The following ACAN variants were observed in gnomAD, a reference collection of about 807,000 sequenced individuals.
ACAN encodes the protein aggrecan, also known as aggrecan core protein.
Under a neutral mutation model 169.1 loss-of-function variants are expected in ACAN, and 47 were observed. The observed-to-expected ratio is 0.28, with a 90% confidence interval of 0.22 to 0.35. The LOEUF is 0.35. Ranked by LOEUF, ACAN falls within the 10% of genes least tolerant of loss-of-function variation. The probability of loss-of-function intolerance (pLI) is 1.00; values close to 1 mark genes in which losing one functional copy is unlikely to be tolerated. For synonymous variants in ACAN, 1,115 were observed against 1,112.2 expected (o/e 1.00, Z -0.05); for missense variants, 2,716 against 2,759.9 (o/e 0.98, Z 0.36).
chr15:88,858,002 G>T lies in ACAN; in HGVS notation c.5417G>T (p.Ser1806Ile). The T allele has an allele frequency of 6.2e-7, 1 of 1,614,002 alleles. No individual in the cohort carries two copies. Among genetic ancestry groups the T allele is most frequent in the Non-Finnish European group, 8.5e-7 (1 of 1,179,892 alleles). ...CAGCCTTCAGGGTTACCAGGGTTCA[G>T]TGGGGCAACATCAGGAGTCCCTGAC... ...SGQPSGLPGF[S>I]GATSGVPDLV... Residue 1806 changes from serine to isoleucine, a missense_variant, in exon 12 of 19, where the codon AGT becomes ATT. This residue lies in a region of ACAN where 1,389 missense variants were observed against 1,363.7 expected (regional missense o/e 1.02). Coordinates refer to ENST00000560601, the MANE Select transcript of ACAN (RefSeq NM_001369268.1). The surrounding 1 kb of genome is among the most constrained non-coding windows in gnomAD (Gnocchi z 4.0).
rs1169658555 is a variant in ACAN at position 88,841,923 on chromosome 15, C to A, written c.757+56C>A. 3 of 1,605,270 alleles carry A rather than the reference C, an allele frequency of 1.9e-6. No individual in the cohort carries two copies. The East Asian group carries it at 6.7e-5, about 36-fold the overall frequency. On this transcript the variant is annotated intron_variant, in intron 5 of 18. Transcript: ENST00000560601. ...AGCTCCCTTCCCAAGGCCACCTTCC[C>A]CTCCCCATCTCCCCACTGACACCTG... is the stretch of plus-strand genomic sequence containing the variant.
In ACAN at chr15:88,873,871, C is replaced by T. The variant is rs752175506; in HGVS notation, c.7477C>T (p.His2493Tyr). ...VACGEPPVVE[H>Y]ARTFGQKKDR... ...CTGCGGAGAGCCCCCTGTGGTGGAG[C>T]ATGCCAGGACCTTCGGGCAGAAGAA... is the stretch of plus-strand genomic sequence containing the variant. The change falls in exon 18 of 19, where the codon CAT becomes TAT. Residue 2493 changes from histidine to tyrosine, a missense_variant. Coordinates refer to ENST00000560601, the MANE Select transcript of ACAN (RefSeq NM_001369268.1). The surrounding 1 kb of genome is among the most constrained non-coding windows in gnomAD (Gnocchi z 7.5). 3 of 1,613,806 alleles carry T rather than the reference C, an allele frequency of 1.9e-6. No homozygotes were observed. The highest frequency in any genetic ancestry group is 1.1e-5 in the South Asian group (1 of 91,086).
chr15:88,822,411 G>A (rs2141520162), intron 1 of ACAN, among the ~76,000 whole-genome samples: 1 of 152,040 alleles, frequency 6.6e-6, no homozygotes, highest in Middle Eastern at 3.4e-3. Flanking sequence ...CCTAAGAACT[G>A]TGTCCATAGC....
In ACAN at chr15:88,860,378, G is replaced by A; in HGVS notation, c.6885G>A (p.Glu2295=). ...CCTGTGGAGCTGGGACCTGCAAGGA[G>A]ACAGAGGGACACGTCATATGCCTGT... ...EEPCGAGTCK[E]TEGHVICLCP... is the part of the protein sequence containing the mutation. The change falls in exon 13 of 19, where the codon GAG becomes GAA. Residue 2295 remains glutamate (E), a synonymous_variant. Coordinates refer to ENST00000560601, the MANE Select transcript of ACAN (RefSeq NM_001369268.1). 3.7e-6 allele frequency: 6 copies of A among 1,613,638 alleles called. No individual in the cohort carries two copies. Among genetic ancestry groups the A allele is most frequent in the Non-Finnish European group, 4.2e-6 (5 of 1,179,832 alleles).
intron 1 of ACAN, among the ~76,000 whole-genome samples, chr15:88,821,350 T>G (rs1468692782): frequency 2.0e-5 from 3 of 152,192 alleles, no homozygotes; most frequent in African/African-American, 7.2e-5. Flanking sequence ...AGGGGTGGTC[T>G]CCCTAAGTTG....
rs115301782 is a variant in ACAN at position 88,866,644 on chromosome 15, G to C, written c.6947-1572G>C. ...CCAACAACTGGAGATTAGGGCCTTC[G>C]TGGATGAGCAAGATGCCTGAGAGCT... On this transcript the variant is annotated intron_variant, in intron 13 of 18. Coordinates refer to ENST00000560601, the MANE Select transcript of ACAN (RefSeq NM_001369268.1). The surrounding 1 kb of genome is among the most constrained non-coding windows in gnomAD (Gnocchi z 5.6). 6.6e-6 allele frequency among the ~76,000 whole-genome samples: 1 copy of C among 152,020 alleles called. No homozygotes were observed. The highest frequency in any genetic ancestry group is 2.4e-5 in the African/African-American group (1 of 41,378).
chr15:88,840,276 G>A (rs988320048), intron 4 of ACAN, 90 bp downstream of exon 4: 23 of 1,425,102 alleles, frequency 1.6e-5, no homozygotes, highest in Admixed American at 2.4e-5. Context: ...GGCCAGCACT[G>A]AGCTGGTGCC....
At chr15:88,837,352 A>T (rs917365066) in intron 2 of ACAN, among the ~76,000 whole-genome samples, 1 of 152,232 alleles carries the variant, frequency 6.6e-6, no homozygotes, top group East Asian at 1.9e-4. Flanking sequence ...CTGAATTTAA[A>T]TCTGTGCTTT....
chr15:88,846,010 C>G, intron 7 of ACAN, 128 bp downstream of exon 7: 3 of 1,065,860 alleles, frequency 2.8e-6, no homozygotes, highest in Non-Finnish European at 3.8e-6. Context: ...TCTCTCCTCT[C>G]AGACCTTATT....
rs62023516 is a variant in ACAN at position 88,853,757 on chromosome 15, C to G, written c.2267-1095C>G. ...TAGATGATAGATAGATAGATAGATA[C>G]ATACATACATACATACATACATACA... On this transcript the variant is annotated intron_variant, in intron 11 of 18. Transcript: ENST00000560601. Among the ~76,000 whole-genome samples the G allele has an allele frequency of 0.016, 859 of 53,378 alleles. 40 individuals carry two copies. The South Asian group carries it at 0.22, about 14-fold the overall frequency. 35.0% of individuals were successfully genotyped at this position (53,378 alleles called of 152,430 possible).
chr15:88,832,839 C>T (rs1186554067), intron 1 of ACAN, among the ~76,000 whole-genome samples: 1 of 152,174 alleles, frequency 6.6e-6, no homozygotes, highest in Non-Finnish European at 1.5e-5. Flanking sequence ...GCCTGACAAC[C>T]AGGGAGGTGG....
intron 1 of ACAN, among the ~76,000 whole-genome samples, chr15:88,835,269 C>T (rs1319338819): frequency 2.0e-5 from 3 of 152,076 alleles, no homozygotes; most frequent in Non-Finnish European, 4.4e-5. Context: ...TGGTGGCAGG[C>T]CCAAGTTTCA....
chr15:88,863,045 G>A (rs1220564715), intron 13 of ACAN, among the ~76,000 whole-genome samples: 3 of 151,018 alleles, frequency 2.0e-5, no homozygotes, highest in South Asian at 2.1e-4. Flanking sequence ...CAGTATCCTC[G>A]GGGGGCCATA....
intron 2 of ACAN, among the ~76,000 whole-genome samples, chr15:88,836,642 T>C (rs771812576): frequency 2.6e-5 from 4 of 152,112 alleles, no homozygotes; most frequent in African/African-American, 4.8e-5. Flanking sequence ...GAAAGGACCA[T>C]TGAGGGAGGA....
chr15:88,847,157 G>C, intron 7 of ACAN, 86 bp from the exon 8 acceptor site: 1 of 1,333,954 alleles, frequency 7.5e-7, no homozygotes, highest in South Asian at 1.5e-5. Context: ...CAGGCAGCAG[G>C]AGTTGGCCCC....
chr15:88,860,368 C>G lies in ACAN; in HGVS notation c.6875C>G (p.Thr2292Ser). ...GCAGAGGAGCCCTGTGGAGCTGGGA[C>G]CTGCAAGGAGACAGAGGGACACGTC... ...SCAEEPCGAG[T>S]CKETEGHVIC... The change falls in exon 13 of 19, where the codon ACC (threonine) becomes AGC (serine). Residue 2292 changes from threonine (T) to serine (S), a missense_variant. Physicochemically the swap from Thr to Ser is moderately conservative, Grantham distance 58. Transcript: ENST00000560601. The G allele has an allele frequency of 6.2e-7, 1 of 1,613,470 alleles. No homozygotes were observed. Among genetic ancestry groups the G allele is most frequent in the Non-Finnish European group, 8.5e-7 (1 of 1,179,774 alleles).
intron 1 of ACAN, among the ~76,000 whole-genome samples, chr15:88,828,421 C>CA (rs1555452646): frequency 6.6e-6 from 1 of 150,944 alleles, no homozygotes; most frequent in Non-Finnish European, 1.5e-5. Flanking sequence ...CTACCCGAGC[C>CA]TTTTTTTTTG....
chr15:88,873,146 C>A lies in ACAN; in HGVS notation c.7447+121C>A. ...TCTTCTGGCTGCTGGTGTCTCCTCA[C>A]TTGTCCAAAAGGCAGACTGGAGCTG... On this transcript the variant is annotated intron_variant, in intron 17 of 18. Coordinates refer to ENST00000560601, the MANE Select transcript of ACAN (RefSeq NM_001369268.1). This position sits in a 1 kb window ranked among gnomAD's most constrained non-coding sequence, Gnocchi z 7.5. The A allele has an allele frequency of 7.5e-7, 1 of 1,335,608 alleles. No homozygotes were observed. The highest frequency in any genetic ancestry group is 1.0e-6 in the Non-Finnish European group (1 of 990,212). The allele number at this position is 1,335,608 out of a possible 1,614,324, so 82.7% of individuals were successfully genotyped here. A position where few individuals can be genotyped will look rare whatever the true frequency, so the allele number is the denominator to read the frequency against.
At chr15:88,817,440 C>G (rs2141506694) in intron 1 of ACAN, among the ~76,000 whole-genome samples, 1 of 151,814 alleles carries the variant, frequency 6.6e-6, no homozygotes, top group Admixed American at 6.6e-5. Flanking sequence ...CTGTGCCTGG[C>G]CAAATGTAGA....
Sources: gnomAD v4.1 joint callset for allele counts (sites outside exome capture counted in the v4.1 genomes callset) on GRCh38, gnomAD v4.1.1 for gene constraint, gnomAD v4.1.1 regional missense constraint, Gnocchi (gnomAD v3.1) non-coding constraint, MANE v1.5 for transcripts, NCBI Gene and HGNC (gene_info 2026-07-23, HGNC 2026-07-21) for gene names.